The following FLT3LG variants were observed in gnomAD, a reference collection of about 807,000 sequenced individuals.
The protein encoded by FLT3LG is fms related receptor tyrosine kinase 3 ligand, also known as fms-related tyrosine kinase 3 ligand.
Under a neutral mutation model 30.9 loss-of-function variants are expected in FLT3LG, and 8 were observed. The ratio of observed to expected loss-of-function variants is 0.26; its 90% CI spans 0.15 to 0.47. The LOEUF is 0.47. Ranked by LOEUF, FLT3LG falls within the 20% of genes least tolerant of loss-of-function variation. The pLI is 0.99. For synonymous variants in FLT3LG, 123 were observed against 135.9 expected (o/e 0.91, Z 0.66); for missense variants, 278 against 306.2 (o/e 0.91, Z 0.69).
At chr19:49,474,353 G>A in intron 1 of FLT3LG, 72 bp downstream of exon 1, 4 of 566,190 alleles carry the variant, frequency 7.1e-6, no homozygotes, top group Non-Finnish European at 1.3e-5. Context: ...GGCAGGGGGA[G>A]CAGAGGGTGG....
chr19:49,477,570 T>A (rs147046877), intron 5 of FLT3LG, among the ~76,000 whole-genome samples: 1 of 147,286 alleles, frequency 6.8e-6, no homozygotes, highest in East Asian at 2.1e-4. Context: ...GAAAACCATC[T>A]CTACTAAAAT....
chr19:49,484,186 C>CT lies in FLT3LG; in HGVS notation c.*22-1814dup, dbSNP rs771221361. Among the ~76,000 whole-genome samples the CT allele has an allele frequency of 6.1e-3, 806 of 132,072 alleles. 3 individuals carry two copies. Among genetic ancestry groups the CT allele is most frequent in the African/African-American group, 0.018 (659 of 36,086 alleles). 86.6% of individuals were successfully genotyped at this position (132,072 alleles called of 152,430 possible). On this transcript the variant is annotated intron_variant, in intron 8 of 8. Coordinates refer to ENST00000597551, the MANE Select transcript of FLT3LG (RefSeq NM_001459.4). Reference sequence around the variant, plus strand: ...GCGTGAGCCACCACGCCCAGCCTATCTTTTTTTTTTTTTTTAAGAAAAGGT... The same window carrying CT: ...GCGTGAGCCACCACGCCCAGCCTATCTTTTTTTTTTTTTTTTAAGAAAAGGT...
intron 8 of FLT3LG, chr19:49,481,577 GGAA>G (rs1279957684): frequency 4.6e-5 from 7 of 152,652 alleles, no homozygotes; most frequent in Non-Finnish European, 8.8e-5. Context: ...GGGCCAGGAG[GGAA>G]GAAGGAGGGG....
chr19:49,483,001 A>G (rs565910530), intron 8 of FLT3LG, among the ~76,000 whole-genome samples: 9 of 152,328 alleles, frequency 5.9e-5, no homozygotes, highest in African/African-American at 2.2e-4. Context: ...TGTTATTTCA[A>G]CATGTAATCA....
intron 5 of FLT3LG, among the ~76,000 whole-genome samples, chr19:49,478,567 G>A (rs1047617176): frequency 1.3e-5 from 2 of 152,038 alleles, no homozygotes; most frequent in African/African-American, 4.8e-5. Flanking sequence ...GAGGTCAGGA[G>A]TTCGAGACCA....
At chr19:49,477,918 C>T (rs868178656) in intron 5 of FLT3LG, among the ~76,000 whole-genome samples, 10 of 151,268 alleles carry the variant, frequency 6.6e-5, no homozygotes, top group African/African-American at 2.4e-4. Flanking sequence ...TGGTGGCGCG[C>T]GCCTGTAGTC....
rs2079388829 is a variant in FLT3LG, at chr19:49,476,259, C to T, written c.198+61C>T. 3 of 1,498,144 alleles carry T rather than the reference C, an allele frequency of 2.0e-6. No individual in the cohort carries two copies. In the East Asian group the frequency reaches 6.8e-5, roughly 34 times the overall value. 92.8% of individuals were successfully genotyped at this position (1,498,144 alleles called of 1,614,324 possible). Reference sequence around the variant, plus strand: ...GGGACCACAGACTCAAGATGCTCCACCGAGGCGAGTGGATAACCAGGCCCT... The same window carrying T: ...GGGACCACAGACTCAAGATGCTCCATCGAGGCGAGTGGATAACCAGGCCCT... On this transcript the variant is annotated intron_variant, in intron 4 of 8. Transcript: ENST00000597551. This position sits in a 1 kb window ranked among gnomAD's most constrained non-coding sequence, Gnocchi z 5.3.
Position 49,474,630 on chromosome 19 carries a change from C to G in FLT3LG, c.-10C>G. The G allele has an allele frequency of 6.2e-7, 1 of 1,612,636 alleles. No homozygotes were observed. The highest frequency in any genetic ancestry group is 2.2e-5 in the East Asian group (1 of 44,792). ...CCGGCGACAGGAGGCATGAGGGGCC[C>G]CCGGCCGAAATGACAGTGCTGGCGC... On this transcript the variant is annotated 5_prime_UTR_variant, in exon 2 of 9. Coordinates refer to ENST00000597551, the MANE Select transcript of FLT3LG (RefSeq NM_001459.4).
rs1304927275 is a variant in FLT3LG, at chr19:49,476,250, G to A, written c.198+52G>A. 2 of 1,524,426 alleles carry A rather than the reference G, an allele frequency of 1.3e-6. No homozygotes were observed. The highest frequency in any genetic ancestry group is 2.7e-5 in the African/African-American group (2 of 73,186). 94.4% of individuals were successfully genotyped at this position (1,524,426 alleles called of 1,614,324 possible). On this transcript the variant is annotated intron_variant, in intron 4 of 8. Transcript: ENST00000597551. The surrounding 1 kb of genome is among the most constrained non-coding windows in gnomAD (Gnocchi z 5.3). ...ATGGAGGTGGGGACCACAGACTCAAGATGCTCCACCGAGGCGAGTGGATAA... is the reference window on the plus strand; with the variant it reads ...ATGGAGGTGGGGACCACAGACTCAAAATGCTCCACCGAGGCGAGTGGATAA...
At position 49,478,917 on chromosome 19, in the gene FLT3LG, C is replaced by G. The variant is rs1002854603; in HGVS notation, c.351C>G (p.Pro117=). 49 of 1,538,152 alleles carry G rather than the reference C, an allele frequency of 3.2e-5. No individual in the cohort carries two copies. Among genetic ancestry groups the G allele is most frequent in the Non-Finnish European group, 3.9e-5 (44 of 1,140,584 alleles). The part of the protein sequence containing the change: ...FVTKCAFQPP[P]SCLRFVQTNI... ...CCCTCCCCTGCTCCCAGCCCCCCCCCAGCTGTCTTCGCTTCGTCCAGACCA... is the reference window on the plus strand; with the variant it reads ...CCCTCCCCTGCTCCCAGCCCCCCCCGAGCTGTCTTCGCTTCGTCCAGACCA... The change falls in exon 6 of 9, where the codon CCC becomes CCG. Residue 117 remains proline (P), a synonymous_variant. Transcript: ENST00000597551.
rs748551826 is a variant in FLT3LG, at chr19:49,476,685, C to G, written c.342+119C>G. 2.3e-6 allele frequency: 3 copies of G among 1,317,508 alleles called. No individual in the cohort carries two copies. The highest frequency in any genetic ancestry group is 2.9e-5 in the African/African-American group (2 of 68,076). The allele number at this position is 1,317,508 out of a possible 1,614,324, so 81.6% of individuals were successfully genotyped here. On this transcript the variant is annotated intron_variant, in intron 5 of 8. Coordinates refer to ENST00000597551, the MANE Select transcript of FLT3LG (RefSeq NM_001459.4). This position sits in a 1 kb window ranked among gnomAD's most constrained non-coding sequence, Gnocchi z 5.3. The stretch of plus-strand genomic sequence containing the variant: ...CCATAGCCACCCAACGAAGGTAGAG[C>G]GAGAAGCGCCACCCTGCAGAGCCCT...
Position 49,476,715 on chromosome 19 carries a change from C to T in FLT3LG, c.342+149C>T. The T allele has an allele frequency of 9.6e-7, 1 of 1,045,818 alleles. No homozygotes were observed. Among genetic ancestry groups the T allele is most frequent in the East Asian group, 2.6e-5 (1 of 38,138 alleles). The allele number at this position is 1,045,818 out of a possible 1,614,324, so 64.8% of individuals were successfully genotyped here. ...AGCGCCACCCTGCAGAGCCCTGTTCCTACAGAACAACACGTCCCCAGGCAC... is the reference window on the plus strand; with the variant it reads ...AGCGCCACCCTGCAGAGCCCTGTTCTTACAGAACAACACGTCCCCAGGCAC... On this transcript the variant is annotated intron_variant, in intron 5 of 8. Coordinates refer to ENST00000597551, the MANE Select transcript of FLT3LG (RefSeq NM_001459.4). This position sits in a 1 kb window ranked among gnomAD's most constrained non-coding sequence, Gnocchi z 5.3.
At chr19:49,480,704 C>T in intron 8 of FLT3LG, 84 bp downstream of exon 8, 2 of 1,401,020 alleles carry the variant, frequency 1.4e-6, no homozygotes, top group Admixed American at 2.0e-5. Context: ...GGGTGGTGAG[C>T]AGTGGAGGGG....
intron 5 of FLT3LG, among the ~76,000 whole-genome samples, chr19:49,478,350 C>T (rs2079470589): frequency 6.6e-6 from 1 of 151,948 alleles, no homozygotes; most frequent in Admixed American, 6.6e-5. Context: ...GCCTGTAGTC[C>T]CAACTACCTG....
intron 8 of FLT3LG, among the ~76,000 whole-genome samples, chr19:49,485,807 C>A (rs1403549202): frequency 6.6e-6 from 1 of 152,208 alleles, no homozygotes; most frequent in East Asian, 1.9e-4. Context: ...CATGAGCCAC[C>A]GCGCCCGGGG....
rs1055754131 is a variant in FLT3LG, at chr19:49,486,054, G to A, written c.*61G>A. On this transcript the variant is annotated 3_prime_UTR_variant, in exon 9 of 9. Transcript: ENST00000597551. ...GCACACAGAGGGGAGTCACCAGCCA[G>A]AGGATGCATAGCCTGGACACAGAGG... 6.6e-6 allele frequency: 1 copy of A among 152,620 alleles called. No homozygotes were observed. The highest frequency in any genetic ancestry group is 2.1e-4 in the South Asian group (1 of 4,832). 9.5% of individuals were successfully genotyped at this position (152,620 alleles called of 1,614,324 possible). A position where few individuals can be genotyped will look rare whatever the true frequency, so the allele number is the denominator to read the frequency against.
chr19:49,474,554 A>AGGGG (rs2079306209), intron 1 of FLT3LG, 49 bp from the exon 2 acceptor site: 1 of 1,192,862 alleles, frequency 8.4e-7, no homozygotes, highest in Admixed American at 2.6e-5. Context: ...CGGGCAGGGC[A>AGGGG]GGGGCTGGGG....
rs2079393748 is a variant in FLT3LG, at chr19:49,476,355, C to A, written c.199-68C>A. The A allele has an allele frequency of 1.3e-6, 2 of 1,551,952 alleles. No homozygotes were observed. The highest frequency in any genetic ancestry group is 1.1e-5 in the South Asian group (1 of 89,102). On this transcript the variant is annotated intron_variant, in intron 4 of 8. Coordinates refer to ENST00000597551, the MANE Select transcript of FLT3LG (RefSeq NM_001459.4). The surrounding 1 kb of genome is among the most constrained non-coding windows in gnomAD (Gnocchi z 5.3). Reference sequence around the variant, plus strand: ...CAGACCCAGGAGCCCCGGCCCAGCCCCTCCTCCCTCAGACCCAGCAGCCCC... The same window carrying A: ...CAGACCCAGGAGCCCCGGCCCAGCCACTCCTCCCTCAGACCCAGCAGCCCC...
At chr19:49,482,765 T>C (rs1302666348) in intron 8 of FLT3LG, among the ~76,000 whole-genome samples, 1 of 151,874 alleles carries the variant, frequency 6.6e-6, no homozygotes, top group African/African-American at 2.4e-5. Context: ...GTAGCTGGGA[T>C]TACAGGCACG....
Sources: allele counts gnomAD v4.1 joint callset (sites outside exome capture counted in the v4.1 genomes callset), GRCh38; gene constraint gnomAD v4.1.1; non-coding constraint Gnocchi (gnomAD v3.1); transcripts MANE v1.5; gene names NCBI Gene and HGNC (gene_info 2026-07-23, HGNC 2026-07-21).